Variants in SIAH2 observed in about 807,000 individuals in gnomAD.
SIAH2 encodes the protein E3 ubiquitin-protein ligase SIAH2.
Under a neutral mutation model 20.4 loss-of-function variants are expected in SIAH2, and 4 were observed. That is an observed-to-expected ratio of 0.20 (90% CI 0.10 to 0.45). SIAH2 has a LOEUF of 0.45. Among genes scored for constraint, SIAH2 ranks in the 20% least tolerant of loss-of-function variants. The probability of loss-of-function intolerance (pLI) is 0.99; values close to 1 mark genes in which losing one functional copy is unlikely to be tolerated. For missense variants in SIAH2, 259 were observed against 440.3 expected (o/e 0.59, Z 3.69); for synonymous variants, 171 against 192.5 (o/e 0.89, Z 0.93).
rs1218816132 is a variant in SIAH2 at position 150,741,754 on chromosome 3, G to T, written c.*387C>A. On this transcript the variant is annotated 3_prime_UTR_variant, in exon 2 of 2. Coordinates refer to ENST00000312960, the MANE Select transcript of SIAH2 (RefSeq NM_005067.7). ...CTACCTCCCACAAACAAAAGTAAAG[G>T]AATCTGCTGACAGTCACTGTGCTTT... The T allele has an allele frequency of 6.0e-6, 1 of 167,514 alleles. No individual in the cohort carries two copies. Among genetic ancestry groups the T allele is most frequent in the East Asian group, 1.7e-4 (1 of 5,772 alleles). The allele number at this position is 167,514 out of a possible 1,614,324, so 10.4% of individuals were successfully genotyped here. A position where few individuals can be genotyped will look rare whatever the true frequency, so the allele number is the denominator to read the frequency against.
intron 1 of SIAH2, among the ~76,000 whole-genome samples, chr3:150,750,848 A>G (rs1444047833): frequency 3.3e-5 from 5 of 152,188 alleles, no homozygotes; most frequent in Non-Finnish European, 5.9e-5. Flanking sequence ...CTGTGATTGG[A>G]ACTCAAGTAG....
intron 1 of SIAH2, among the ~76,000 whole-genome samples, chr3:150,758,276 G>C (rs189316430): frequency 2.6e-5 from 4 of 152,198 alleles, no homozygotes; most frequent in Non-Finnish European, 4.4e-5. Flanking sequence ...AACTTTCAGA[G>C]AGGACAAAGA....
intron 1 of SIAH2, among the ~76,000 whole-genome samples, chr3:150,746,369 C>A (rs1714213053): frequency 6.6e-6 from 1 of 152,122 alleles, no homozygotes. Context: ...GCATTGCAGC[C>A]TGGGCAACAG....
At chr3:150,749,497 C>T (rs1218643629) in intron 1 of SIAH2, among the ~76,000 whole-genome samples, 1 of 152,170 alleles carries the variant, frequency 6.6e-6, no homozygotes, top group Admixed American at 6.5e-5. Flanking sequence ...GACTGACAGA[C>T]ACCCTGTCTC....
rs1364576978 is a variant in SIAH2, at chr3:150,742,119, T to C, written c.*22A>G. On this transcript the variant is annotated 3_prime_UTR_variant, in exon 2 of 2. Transcript: ENST00000312960. The surrounding 1 kb of genome is among the most constrained non-coding windows in gnomAD (Gnocchi z 4.8). ...CATAGAGCACTATGCCCAAATAATT[T>C]TGAAGGTTTACGAAAGTCACATCAT... 10 of 1,586,716 alleles carry C rather than the reference T, an allele frequency of 6.3e-6. No individual in the cohort carries two copies. Among genetic ancestry groups the C allele is most frequent in the Middle Eastern group, 1.7e-4 (1 of 5,930 alleles).
At chr3:150,743,917 G>T (rs1282613598) in intron 1 of SIAH2, among the ~76,000 whole-genome samples, 2 of 151,744 alleles carry the variant, frequency 1.3e-5, no homozygotes, top group Admixed American at 1.3e-4. Context: ...GAACTGTCTG[G>T]CTAACTACAC....
Position 150,741,984 on chromosome 3 carries a change from G to A in SIAH2, c.*157C>T, listed in dbSNP as rs1714096848. On this transcript the variant is annotated 3_prime_UTR_variant, in exon 2 of 2. Transcript: ENST00000312960. The stretch of plus-strand genomic sequence containing the variant: ...CATTCATCCCAGGTTAATGAACTTT[G>A]TTGGGTCGAAGCCAGATGGGACACT... The A allele has an allele frequency of 1.4e-6, 1 of 700,074 alleles. No homozygotes were observed. The highest frequency in any genetic ancestry group is 2.8e-5 in the East Asian group (1 of 36,264). 43.4% of individuals were successfully genotyped at this position (700,074 alleles called of 1,614,324 possible). A position where few individuals can be genotyped will look rare whatever the true frequency, so the allele number is the denominator to read the frequency against.
intron 1 of SIAH2, among the ~76,000 whole-genome samples, chr3:150,749,392 C>A (rs1225472100): frequency 6.6e-6 from 1 of 151,712 alleles, no homozygotes; most frequent in African/African-American, 2.4e-5. Flanking sequence ...GTAGTCCCGG[C>A]TACTAGGAGG....
In SIAH2 at chr3:150,762,799, C is replaced by G; in HGVS notation, c.51G>C (p.Lys17Asn). ...TGTGCTGGGGCTGCGGCGGCGGCTGCTTGCTGCAGGGTTTATTAGCGCTGG... is the reference window on the plus strand; with the variant it reads ...TGTGCTGGGGCTGCGGCGGCGGCTGGTTGCTGCAGGGTTTATTAGCGCTGG... ...TGPSANKPCS[K>N]QPPPQPQHTP... Residue 17 changes from lysine to asparagine, a missense_variant, in exon 1 of 2, where the codon AAG becomes AAC. Lys to Asn is a moderately conservative substitution (Grantham distance 94). Transcript: ENST00000312960. This position sits in a 1 kb window ranked among gnomAD's most constrained non-coding sequence, Gnocchi z 6.6. The G allele has an allele frequency of 8.2e-7, 1 of 1,224,610 alleles. No individual in the cohort carries two copies. The highest frequency in any genetic ancestry group is 1.0e-6 in the Non-Finnish European group (1 of 970,490). The allele number at this position is 1,224,610 out of a possible 1,614,324, so 75.9% of individuals were successfully genotyped here.
At chr3:150,757,374 T>G (rs1714505607) in intron 1 of SIAH2, among the ~76,000 whole-genome samples, 1 of 152,144 alleles carries the variant, frequency 6.6e-6, no homozygotes, top group African/African-American at 2.4e-5. Flanking sequence ...AAACATCTAG[T>G]CACAAGGCCA....
intron 1 of SIAH2, among the ~76,000 whole-genome samples, chr3:150,761,644 G>C (rs1477805065): frequency 6.6e-6 from 1 of 152,124 alleles, no homozygotes; most frequent in Non-Finnish European, 1.5e-5. Context: ...GGAGGGGAGA[G>C]ATCTTGGTCT....
intron 1 of SIAH2, among the ~76,000 whole-genome samples, chr3:150,754,581 GT>G (rs1305198522): frequency 6.6e-6 from 1 of 151,944 alleles, no homozygotes; most frequent in Non-Finnish European, 1.5e-5. Flanking sequence ...TTTTGTTTTT[GT>G]TTTTAAAGAA....
intron 1 of SIAH2, among the ~76,000 whole-genome samples, chr3:150,750,117 C>T (rs1714325479): frequency 6.6e-6 from 1 of 152,130 alleles, no homozygotes; most frequent in Non-Finnish European, 1.5e-5. Context: ...GGCAGCTAAG[C>T]CTAGTATAGA....
chr3:150,762,675 CG>C lies in SIAH2; in HGVS notation c.174del (p.Gly59AlafsTer16). On this transcript the variant is annotated frameshift_variant, in exon 1 of 2. Coordinates refer to ENST00000312960, the MANE Select transcript of SIAH2 (RefSeq NM_005067.7). LOFTEE classifies it high-confidence loss of function. This position sits in a 1 kb window ranked among gnomAD's most constrained non-coding sequence, Gnocchi z 6.6. ...ACCGGGCCGGCCCCGCCGCCGCCGC[CG>C]GGGCCCGAGATCACCGCCGCCGCGG... ...VPAAAAVISG[P>X]GGGGGAGPVS... The C allele has an allele frequency of 7.0e-7, 1 of 1,429,140 alleles. No individual in the cohort carries two copies. The highest frequency in any genetic ancestry group is 9.2e-7 in the Non-Finnish European group (1 of 1,088,458). The allele number at this position is 1,429,140 out of a possible 1,614,324, so 88.5% of individuals were successfully genotyped here.
At chr3:150,751,423 CT>C (rs916774115) in intron 1 of SIAH2, among the ~76,000 whole-genome samples, 3 of 138,900 alleles carry the variant, frequency 2.2e-5, no homozygotes, top group Non-Finnish European at 4.4e-5. Context: ...GACTCTGTCT[CT>C]TAAGAAAAAA....
At chr3:150,758,915 T>C (rs1392254316) in intron 1 of SIAH2, among the ~76,000 whole-genome samples, 2 of 152,042 alleles carry the variant, frequency 1.3e-5, no homozygotes, top group Non-Finnish European at 2.9e-5. Flanking sequence ...GCTAACTTTT[T>C]TGTATTTTTA....
chr3:150,760,622 A>G (rs1302136268), intron 1 of SIAH2, among the ~76,000 whole-genome samples: 2 of 152,262 alleles, frequency 1.3e-5, no homozygotes, highest in East Asian at 3.8e-4. Context: ...GTTACATTTT[A>G]AAAACAAATT....
intron 1 of SIAH2, among the ~76,000 whole-genome samples, chr3:150,757,386 C>T (rs757101806): frequency 2.0e-5 from 3 of 152,162 alleles, no homozygotes; most frequent in Non-Finnish European, 2.9e-5. Context: ...ACAAGGCCAT[C>T]ATCTGAGGGT....
At chr3:150,749,805 G>A (rs144195083) in intron 1 of SIAH2, among the ~76,000 whole-genome samples, 28 of 152,270 alleles carry the variant, frequency 1.8e-4, no homozygotes, top group Non-Finnish European at 3.1e-4. Flanking sequence ...AGAAGACAAT[G>A]CATTCTCCAT....
Sources: gnomAD v4.1 joint callset for allele counts (sites outside exome capture counted in the v4.1 genomes callset) on GRCh38, gnomAD v4.1.1 for gene constraint, Gnocchi (gnomAD v3.1) non-coding constraint, MANE v1.5 for transcripts, NCBI Gene and HGNC (gene_info 2026-07-23, HGNC 2026-07-21) for gene names.